Variants in TJP1 observed in about 807,000 individuals in gnomAD.
The protein encoded by TJP1 is tight junction protein 1.
In TJP1, 43 loss-of-function variants were observed where a neutral mutation model predicts 194.2. The ratio of observed to expected loss-of-function variants is 0.22; its 90% CI spans 0.17 to 0.29. The LOEUF (loss-of-function observed/expected upper bound fraction) is 0.29, where lower values mean the gene tolerates loss of function less well. TJP1 is among the 10% of genes least tolerant of loss of function. The pLI, the probability that TJP1 is intolerant of heterozygous loss-of-function variation, is 1.00. For missense variants in TJP1, 1,971 were observed against 2,185.7 expected, an observed-to-expected ratio of 0.90 and a Z score of 1.96; for synonymous variants, 801 against 779.0, an observed-to-expected ratio of 1.03 and a Z score of -0.47.
In TJP1 at chr15:29,718,450, T is replaced by C. The variant is rs1251467688; in HGVS notation, c.3692A>G (p.Gln1231Arg). 1.2e-6 allele frequency: 2 copies of C among 1,614,114 alleles called. No homozygotes were observed. Among genetic ancestry groups the C allele is most frequent in the South Asian group, 2.2e-5 (2 of 91,074 alleles). The change falls in exon 21 of 28, where the codon CAG (glutamine) becomes CGG (arginine). Residue 1231 changes from glutamine (Q) to arginine (R), a missense_variant. Around this residue, in one of 5 missense-constraint regions of TJP1, gnomAD observed 1,108 missense variants for 1,128.5 expected, o/e 0.98. Transcript: ENST00000614355. The part of the protein sequence containing the change: ...AAVPPLIPSS[Q>R]HKPEALPSNT... ...TGAAGGCAGAGCTTCTGGCTTATGC[T>C]GAGATGAAGGTATCAGCGGAGGGAC... is the stretch of plus-strand genomic sequence containing the variant.
chr15:29,863,683 A>G (rs1020353382), intron 2 of TJP1, among the ~76,000 whole-genome samples: 1 of 152,156 alleles, frequency 6.6e-6, no homozygotes, highest in African/African-American at 2.4e-5. Flanking sequence ...AGAAGAGCAC[A>G]TGTACTCTCA....
intron 1 of TJP1, among the ~76,000 whole-genome samples, chr15:29,815,440 G>A (rs2049844803): frequency 1.3e-5 from 2 of 152,200 alleles, no homozygotes; most frequent in Non-Finnish European, 2.9e-5. Context: ...GATCATTCTA[G>A]ACATAAACTA....
intron 2 of TJP1, among the ~76,000 whole-genome samples, chr15:29,909,113 C>T (rs1464930735): frequency 6.8e-6 from 1 of 147,096 alleles, no homozygotes; most frequent in East Asian, 2.0e-4. Context: ...GCCAAGATTG[C>T]GCCACTGCAC....
chr15:29,968,607 G>A, intron 1 of TJP1: 15 of 948,172 alleles, frequency 1.6e-5, no homozygotes, highest in Non-Finnish European at 1.9e-5. Flanking sequence ...TCCCACTCCG[G>A]CCCCCGCCCC....
chr15:29,714,537 CTTTT>C (rs58378713), intron 23 of TJP1, among the ~76,000 whole-genome samples: 4 of 88,986 alleles, frequency 4.5e-5, no homozygotes, highest in Non-Finnish European at 6.6e-5. Context: ...TGCGCCCAGC[CTTTT>C]TTTTTTTTTT....
intron 2 of TJP1, among the ~76,000 whole-genome samples, chr15:29,946,521 G>A (rs1034796915): frequency 7.2e-5 from 11 of 152,246 alleles, no homozygotes; most frequent in Non-Finnish European, 1.2e-4. Flanking sequence ...GCTCTGAGAA[G>A]CACAGCATCA....
chr15:29,707,107 G>C (rs45456896), intron 25 of TJP1, among the ~76,000 whole-genome samples: 3,408 of 152,254 alleles, frequency 0.022, 65 homozygotes, highest in Middle Eastern at 0.037. Context: ...GGCTGTAGGA[G>C]GCAAGGCTTC....
At chr15:29,838,992 CT>C (rs760557407) in intron 2 of TJP1, among the ~76,000 whole-genome samples, 1,385 of 83,330 alleles carry the variant, frequency 0.017, 7 homozygotes, top group African/African-American at 0.053. Context: ...AAAAATTCAC[CT>C]TTTTTTTTTT....
intron 2 of TJP1, among the ~76,000 whole-genome samples, chr15:29,917,167 T>C (rs895246111): frequency 3.3e-5 from 5 of 152,228 alleles, no homozygotes; most frequent in Non-Finnish European, 4.4e-5. Context: ...TGAAGGTGTC[T>C]ATAGCTCACT....
intron 2 of TJP1, among the ~76,000 whole-genome samples, chr15:29,795,912 T>C (rs1343262810): frequency 6.6e-6 from 1 of 151,970 alleles, no homozygotes; most frequent in Non-Finnish European, 1.5e-5. Context: ...ATCCCAGTCA[T>C]ACACACACAA....
At chr15:29,820,509 G>A (rs759028870) in intron 1 of TJP1, 2 of 716,314 alleles carry the variant, frequency 2.8e-6, no homozygotes, top group Middle Eastern at 2.3e-4. Context: ...TATAATTCAG[G>A]AGAAGTACTC....
At chr15:29,898,404 T>TA (rs2053541209) in intron 2 of TJP1, among the ~76,000 whole-genome samples, 1 of 152,240 alleles carries the variant, frequency 6.6e-6, no homozygotes, top group African/African-American at 2.4e-5. Flanking sequence ...GATATGTCTT[T>TA]ATCTGCAGCG....
upstream of TJP1, chr15:29,822,601 C>T (rs915977409): frequency 1.9e-6 from 1 of 530,362 alleles, no homozygotes; most frequent in Non-Finnish European, 2.4e-6. Flanking sequence ...GCCGGGGTCC[C>T]GACCCCAAGC....
intron 1 of TJP1, among the ~76,000 whole-genome samples, chr15:29,808,831 C>G (rs1475296756): frequency 6.6e-6 from 1 of 152,164 alleles, no homozygotes; most frequent in Admixed American, 6.5e-5. Flanking sequence ...GATCTACACA[C>G]TGATCATCAA....
intron 15 of TJP1, among the ~76,000 whole-genome samples, chr15:29,731,972 T>C (rs2043692868): frequency 6.6e-6 from 1 of 152,204 alleles, no homozygotes; most frequent in African/African-American, 2.4e-5. Flanking sequence ...ACTATTTGTG[T>C]ATTTGTCAGT....
intron 1 of TJP1, among the ~76,000 whole-genome samples, chr15:29,963,332 T>C (rs1226681129): frequency 2.6e-5 from 4 of 152,120 alleles, no homozygotes; most frequent in Non-Finnish European, 4.4e-5. Flanking sequence ...CACTGATCAA[T>C]TGTCTTTTGA....
In TJP1 at chr15:29,734,306, T is replaced by C; in HGVS notation, c.1484A>G (p.Glu495Gly). Residue 495 changes from glutamate (E) to glycine (G), a missense_variant, in exon 12 of 28, where the codon GAA becomes GGA. Glu to Gly is a moderately conservative substitution (Grantham distance 98). Coordinates refer to ENST00000614355, the MANE Select transcript of TJP1 (RefSeq NM_001330239.4). ...CTTCTTCTGAGCCAATATGGTCACT[T>C]CTTCTCCTTTAGGGAGGTCAAGCAG... ...LFLLDLPKGE[E>G]VTILAQKKKD... 6.2e-7 allele frequency: 1 copy of C among 1,612,744 alleles called. No homozygotes were observed. The highest frequency in any genetic ancestry group is 8.5e-7 in the Non-Finnish European group (1 of 1,179,642).
At chr15:29,904,935 T>C (rs1437263617) in intron 2 of TJP1, among the ~76,000 whole-genome samples, 5 of 152,072 alleles carry the variant, frequency 3.3e-5, no homozygotes, top group Non-Finnish European at 7.4e-5. Context: ...GAAACACCAA[T>C]AGGAACTGCA....
Position 29,766,376 on chromosome 15 carries a change from C to T in TJP1, c.479G>A (p.Ser160Asn). ...RSEKIWPRDR[S>N]ASRERSLSPR... is the part of the protein sequence containing the mutation. The stretch of plus-strand genomic sequence containing the variant: ...GGACAAGCTCCTCTCTCTACTTGCA[C>T]TTCTATCCCTCGGCCAAATCTTCTC... Residue 160 changes from serine to asparagine, a missense_variant, in exon 5 of 28, where the codon AGT becomes AAT. Around this residue, in one of 5 missense-constraint regions of TJP1, gnomAD observed 245 missense variants for 336.6 expected, o/e 0.73. Coordinates refer to ENST00000614355, the MANE Select transcript of TJP1 (RefSeq NM_001330239.4). The T allele has an allele frequency of 6.2e-7, 1 of 1,614,182 alleles. No homozygotes were observed. Among genetic ancestry groups the T allele is most frequent in the South Asian group, 1.1e-5 (1 of 91,080 alleles).
Sources: allele counts gnomAD v4.1 joint callset (sites outside exome capture counted in the v4.1 genomes callset), GRCh38; gene constraint gnomAD v4.1.1; regional missense constraint gnomAD v4.1.1; transcripts MANE v1.5; gene names NCBI Gene and HGNC (gene_info 2026-07-23, HGNC 2026-07-21).